AMPD3: variants seen among roughly 807,000 people sequenced by gnomAD.
The protein encoded by AMPD3 is AMP deaminase 3.
Under a neutral mutation model 82.3 loss-of-function variants are expected in AMPD3, and 57 were observed. The ratio of observed to expected loss-of-function variants is 0.69; its 90% CI spans 0.56 to 0.86. The LOEUF is 0.86. Ranked by LOEUF, AMPD3 falls within the 40% of genes least tolerant of loss-of-function variation. AMPD3 has a pLI of 0.00. For missense variants in AMPD3, 870 were observed against 1,003.8 expected, an observed-to-expected ratio of 0.87 and a Z score of 1.80; for synonymous variants, 381 against 394.7, an observed-to-expected ratio of 0.97 and a Z score of 0.41.
chr11:10,472,894 C>T (rs1848635453), intron 2 of AMPD3, among the ~76,000 whole-genome samples: 1 of 151,904 alleles, frequency 6.6e-6, no homozygotes, highest in African/African-American at 2.4e-5. Flanking sequence ...ATCCCAGCAA[C>T]TCCGGAGGCT....
At chr11:10,481,438 T>C in intron 3 of AMPD3, 1 of 985,312 alleles carries the variant, frequency 1.0e-6, no homozygotes, top group Non-Finnish European at 1.2e-6. Context: ...TAGCTGCATG[T>C]GAGGCCGGCT....
At chr11:10,497,761 G>A in intron 10 of AMPD3, 1 of 985,344 alleles carries the variant, frequency 1.0e-6, no homozygotes, top group Non-Finnish European at 1.2e-6. Context: ...GGCCTGCCTG[G>A]AGACAGGAGG....
At position 10,504,567 on chromosome 11, in the gene AMPD3, T is replaced by G. The variant is rs749577438; in HGVS notation, c.2035T>G (p.Tyr679Asp). The change falls in exon 14 of 15, where the codon TAT (tyrosine) becomes GAT (aspartate). Residue 679 changes from tyrosine (Y) to aspartate (D), a missense_variant. Transcript: ENST00000396553. ...GATCTAGGAAGCACTTATGGAAGAA[T>G]ATGCCATTGCAGCTCAAGTGTGGAA... ...HYTKEALMEEYAIAAQVWKLS... is the reference protein window; with the variant it reads ...HYTKEALMEEDAIAAQVWKLS... 11 of 1,614,210 alleles carry G rather than the reference T, an allele frequency of 6.8e-6. No homozygotes were observed. In the South Asian group the frequency reaches 1.2e-4, roughly 18 times the overall value.
intron 2 of AMPD3, chr11:10,477,070 C>T: frequency 2.0e-6 from 2 of 985,454 alleles, no homozygotes; most frequent in Middle Eastern, 5.2e-4. Context: ...GGTGTGTAAA[C>T]ACGGGAGGAG....
rs750004231 is a variant in AMPD3 at position 10,493,380 on chromosome 11, T to C, written c.971T>C (p.Met324Thr). The change falls in exon 7 of 15, where the codon ATG becomes ACG. Residue 324 changes from methionine (M) to threonine (T), a missense_variant. Met to Thr is a moderately conservative substitution (Grantham distance 81). Coordinates refer to ENST00000396553, the MANE Select transcript of AMPD3 (RefSeq NM_001025389.2). Reference protein sequence around the residue: ...VDTHIHAAACMNQKHLLRFIK... With the variant: ...VDTHIHAAACTNQKHLLRFIK... ...ACACACATCCATGCGGCCGCCTGCA[T>C]GAACCAAAAGCATCTGCTGCGCTTC... The C allele has an allele frequency of 1.8e-5, 29 of 1,614,210 alleles. No homozygotes were observed. The East Asian group carries it at 3.6e-4, about 20-fold the overall frequency.
At position 10,500,202 on chromosome 11, in the gene AMPD3, C is replaced by T. The variant is rs114718879; in HGVS notation, c.1674C>T (p.Tyr558=). 39,437 of 1,614,206 alleles carry T rather than the reference C, an allele frequency of 0.024. 577 individuals carry two copies. The highest frequency in any genetic ancestry group is 0.053 in the Middle Eastern group (320 of 6,062). ...AGCAGAACCCACCCTACAGCTACTA[C>T]CTGTACTACATGTATGCCAACATCA... is the stretch of plus-strand genomic sequence containing the variant. ...TSEQNPPYSY[Y]LYYMYANIMV... is the part of the protein sequence containing the mutation. Residue 558 remains tyrosine (Y), a synonymous_variant, in exon 11 of 15, where the codon TAC becomes TAT. Coordinates refer to ENST00000396553, the MANE Select transcript of AMPD3 (RefSeq NM_001025389.2).
chr11:10,489,035 C>T (rs537926901), intron 6 of AMPD3, among the ~76,000 whole-genome samples: 1 of 152,328 alleles, frequency 6.6e-6, no homozygotes, highest in East Asian at 1.9e-4. Flanking sequence ...GGCTTCAGCT[C>T]ATGTGCCCTG....
intron 2 of AMPD3, among the ~76,000 whole-genome samples, chr11:10,464,397 A>G (rs1480188912): frequency 1.5e-4 from 23 of 152,240 alleles, no homozygotes; most frequent in Admixed American, 1.5e-3. Context: ...TAGTGAGTAA[A>G]TGACAGAGCA....
upstream of AMPD3, chr11:10,450,918 C>G: frequency 2.4e-6 from 3 of 1,267,312 alleles, no homozygotes; most frequent in Non-Finnish European, 2.0e-6. Flanking sequence ...GCGGCCTGGC[C>G]GGGCCCTGGC....
intron 6 of AMPD3, among the ~76,000 whole-genome samples, chr11:10,487,729 A>G (rs1449965696): frequency 6.6e-6 from 1 of 152,186 alleles, no homozygotes; most frequent in African/African-American, 2.4e-5. Context: ...AAAGAAAGAC[A>G]CAGCTGTTAA....
chr11:10,484,425 C>T (rs1163087877), intron 4 of AMPD3: 17 of 985,244 alleles, frequency 1.7e-5, no homozygotes, highest in Non-Finnish European at 2.0e-5. Context: ...TGGGAGAAGA[C>T]ACCGCTGCTC....
In AMPD3 at chr11:10,502,850, G is replaced by A; in HGVS notation, c.1972G>A (p.Val658Ile). The change falls in exon 13 of 15, where the codon GTT becomes ATT. Residue 658 changes from valine to isoleucine, a missense_variant. Physicochemically the swap from Val to Ile is conservative, Grantham distance 29. Coordinates refer to ENST00000396553, the MANE Select transcript of AMPD3 (RefSeq NM_001025389.2). The stretch of plus-strand genomic sequence containing the variant: ...GGAATTCCTACACAAGGGACTGCAT[G>A]TTTCTCTTTCCACCGATGACCCCAT... ...LREFLHKGLHVSLSTDDPMQF... is the reference protein window; with the variant it reads ...LREFLHKGLHISLSTDDPMQF... The A allele has an allele frequency of 6.2e-7, 1 of 1,614,248 alleles. No homozygotes were observed. Among genetic ancestry groups the A allele is most frequent in the Non-Finnish European group, 8.5e-7 (1 of 1,180,046 alleles).
chr11:10,451,074 T>C (rs894454718), upstream of AMPD3: 7 of 1,564,668 alleles, frequency 4.5e-6, no homozygotes, highest in South Asian at 5.8e-5. Flanking sequence ...GCTGCTGACC[T>C]TGGGCCAGCC....
intron 3 of AMPD3, among the ~76,000 whole-genome samples, chr11:10,480,691 T>C (rs1848878188): frequency 6.6e-6 from 1 of 152,214 alleles, no homozygotes; most frequent in Non-Finnish European, 1.5e-5. Context: ...GAAAGAATTA[T>C]GCTAAATATT....
chr11:10,478,598 C>A lies in AMPD3; in HGVS notation c.294C>A (p.Gly98=). The change falls in exon 3 of 15, where the codon GGC becomes GGA. Residue 98 remains glycine, a synonymous_variant. Transcript: ENST00000396553. ...TGCCGCCACAGCAAGATTGGAAGGG[C>A]CCCCCGGCAGCCAGTCCGGCCATGT... is the stretch of plus-strand genomic sequence containing the variant. The part of the protein sequence containing the change: ...LQMPPQQDWK[G]PPAASPAMSP... 1.2e-6 allele frequency: 2 copies of A among 1,614,132 alleles called. No homozygotes were observed. The highest frequency in any genetic ancestry group is 2.2e-5 in the East Asian group (1 of 44,874).
chr11:10,497,050 G>A, intron 10 of AMPD3, 112 bp downstream of exon 10: 1 of 1,386,728 alleles, frequency 7.2e-7, no homozygotes, highest in Non-Finnish European at 1.0e-6. Context: ...CTTAGGTCCT[G>A]CCACCTGTGT....
At chr11:10,503,007 G>C (rs1849622028) in intron 13 of AMPD3, 113 bp downstream of exon 13, 1 of 1,271,566 alleles carries the variant, frequency 7.9e-7, no homozygotes, top group Non-Finnish European at 1.1e-6. Context: ...GGTGGGGTTG[G>C]TGGCCCAGTG....
intron 3 of AMPD3, among the ~76,000 whole-genome samples, chr11:10,479,160 A>G (rs986708398): frequency 6.6e-6 from 1 of 152,184 alleles, no homozygotes; most frequent in African/African-American, 2.4e-5. Context: ...TGTAGGTTCA[A>G]TACCCTTAAA....
At chr11:10,466,453 A>G (rs1848424767) in intron 2 of AMPD3, among the ~76,000 whole-genome samples, 1 of 152,136 alleles carries the variant, frequency 6.6e-6, no homozygotes, top group African/African-American at 2.4e-5. Flanking sequence ...AACCCACCGC[A>G]GCTCAGCAAA....
Sources: allele counts gnomAD v4.1 joint callset (sites outside exome capture counted in the v4.1 genomes callset), GRCh38; gene constraint gnomAD v4.1.1; transcripts MANE v1.5; gene names NCBI Gene and HGNC (gene_info 2026-07-23, HGNC 2026-07-21).